The following CNTN5 variants were observed in gnomAD, a reference collection of about 807,000 sequenced individuals.
CNTN5 encodes the protein contactin 5, also known as contactin-5.
CNTN5 carries 77 observed loss-of-function variants against 129.1 expected under a neutral mutation model. The ratio of observed to expected loss-of-function variants is 0.60; its 90% CI spans 0.50 to 0.72. CNTN5 has a LOEUF of 0.72. CNTN5 is among the 30% of genes least tolerant of loss of function. CNTN5 has a pLI of 0.00. For missense variants in CNTN5, 1,478 were observed against 1,328.8 expected (o/e 1.11, Z -1.75); for synonymous variants, 509 against 465.6 (o/e 1.09, Z -1.20).
chr11:99,750,416 C>T (rs1005339628), intron 3 of CNTN5, among the ~76,000 whole-genome samples: 2 of 152,018 alleles, frequency 1.3e-5, no homozygotes, highest in African/African-American at 4.8e-5. Context: ...TCCATTATAG[C>T]AATATTGTAA....
At chr11:99,079,540 T>C (rs1865710591) in intron 1 of CNTN5, among the ~76,000 whole-genome samples, 1 of 152,194 alleles carries the variant, frequency 6.6e-6, no homozygotes, top group Non-Finnish European at 1.5e-5. Context: ...TCTTGCAAAT[T>C]CTAGAATATG....
intron 2 of CNTN5, among the ~76,000 whole-genome samples, chr11:99,541,090 T>A (rs531568759): frequency 1.3e-5 from 2 of 152,252 alleles, no homozygotes; most frequent in South Asian, 4.1e-4. Context: ...CCCAACCCTA[T>A]ATGAAGAATC....
intron 13 of CNTN5, among the ~76,000 whole-genome samples, chr11:100,154,724 A>T (rs1182696556): frequency 1.3e-5 from 2 of 152,062 alleles, no homozygotes; most frequent in African/African-American, 2.4e-5. Flanking sequence ...TCTAACTGGC[A>T]TGAGATGGTA....
intron 3 of CNTN5, among the ~76,000 whole-genome samples, chr11:99,782,708 A>C (rs1480104226): frequency 1.3e-5 from 2 of 152,048 alleles, no homozygotes; most frequent in South Asian, 4.1e-4. Context: ...GACAAACCTG[A>C]GAAAAACAAG....
chr11:99,227,513 A>C (rs932693354), intron 1 of CNTN5, among the ~76,000 whole-genome samples: 1 of 152,192 alleles, frequency 6.6e-6, no homozygotes, highest in Non-Finnish European at 1.5e-5. Flanking sequence ...ATAGAAATTC[A>C]TTTACGTCTA....
At chr11:100,251,182 T>C (rs748829815) in intron 16 of CNTN5, among the ~76,000 whole-genome samples, 2 of 152,178 alleles carry the variant, frequency 1.3e-5, no homozygotes, top group East Asian at 1.9e-4. Flanking sequence ...CATCAATCTG[T>C]TATTTTCTGT....
intron 3 of CNTN5, among the ~76,000 whole-genome samples, chr11:99,766,052 A>G (rs555673162): frequency 1.2e-4 from 19 of 152,192 alleles, no homozygotes; most frequent in Admixed American, 7.2e-4. Context: ...TTTCTCTGGT[A>G]ATCAAATGTT....
At position 100,072,310 on chromosome 11, in the gene CNTN5, A is replaced by C. The variant is rs1427201672; in HGVS notation, c.1429+476A>C. Among the ~76,000 whole-genome samples the C allele has an allele frequency of 9.2e-5, 14 of 152,188 alleles. No homozygotes were observed. In the South Asian group the frequency reaches 1.5e-3, roughly 16 times the overall value. On this transcript the variant is annotated intron_variant, in intron 12 of 24. Coordinates refer to ENST00000524871, the MANE Select transcript of CNTN5 (RefSeq NM_014361.4). ...CTCTCCTCATGGGGCATCAACTAAT[A>C]CCTTCCTTACTTAACAGGGAAAGGC...
At chr11:99,099,366 T>TAG (rs1246716956) in intron 1 of CNTN5, among the ~76,000 whole-genome samples, 2 of 152,124 alleles carry the variant, frequency 1.3e-5, no homozygotes, top group Non-Finnish European at 2.9e-5. Flanking sequence ...GGCACCATTC[T>TAG]CTTCATTCCA....
chr11:99,900,661 T>C (rs1949333113), intron 6 of CNTN5, among the ~76,000 whole-genome samples: 2 of 152,288 alleles, frequency 1.3e-5, no homozygotes, highest in Admixed American at 1.3e-4. Context: ...TGTCATTACA[T>C]GCAATGTGGG....
intron 3 of CNTN5, among the ~76,000 whole-genome samples, chr11:99,744,066 G>A (rs1174157387): frequency 6.6e-6 from 1 of 152,026 alleles, no homozygotes; most frequent in Non-Finnish European, 1.5e-5. Flanking sequence ...TTGCCATATT[G>A]GAAATGGGGG....
rs530252646 is a variant in CNTN5, at chr11:99,655,026, G to A, written c.55+98757G>A. Among the ~76,000 whole-genome samples, 73 of 151,956 alleles carry A rather than the reference G, an allele frequency of 4.8e-4. 1 individual carries two copies. The highest frequency in any genetic ancestry group is 2.1e-4 in the South Asian group (1 of 4,804). On this transcript the variant is annotated intron_variant, in intron 3 of 24. Coordinates refer to ENST00000524871, the MANE Select transcript of CNTN5 (RefSeq NM_014361.4). ...GCAGTGTGAAGATCTCTGATTGGTG[G>A]AAGAGTGCTGCGTGAAGTCATGGGC...
At chr11:99,917,312 A>G (rs965046394) in intron 7 of CNTN5, among the ~76,000 whole-genome samples, 5 of 152,164 alleles carry the variant, frequency 3.3e-5, no homozygotes, top group Non-Finnish European at 7.4e-5. Flanking sequence ...GGAAGTTTAC[A>G]TTAAACATAT....
Position 99,556,400 on chromosome 11 carries a change from G to T in CNTN5, c.55+131G>T, listed in dbSNP as rs148332690. 4.2e-5 allele frequency: 21 copies of T among 496,550 alleles called. No homozygotes were observed. The East Asian group carries it at 6.4e-4, about 15-fold the overall frequency. 30.8% of individuals were successfully genotyped at this position (496,550 alleles called of 1,614,324 possible). A position where few individuals can be genotyped will look rare whatever the true frequency, so the allele number is the denominator to read the frequency against. ...TATCAGTATTTATACTTTCCAACAA[G>T]AGAAAGGCAGCAACCCTTAAGCCGC... On this transcript the variant is annotated intron_variant, in intron 3 of 24. Coordinates refer to ENST00000524871, the MANE Select transcript of CNTN5 (RefSeq NM_014361.4).
chr11:100,347,173 C>A (rs1003655511), intron 23 of CNTN5, among the ~76,000 whole-genome samples: 1 of 152,084 alleles, frequency 6.6e-6, no homozygotes, highest in Non-Finnish European at 1.5e-5. Flanking sequence ...ACTTAGATAT[C>A]AGTTGAGATT....
intron 2 of CNTN5, among the ~76,000 whole-genome samples, chr11:99,365,513 T>C (rs2136118535): frequency 6.6e-6 from 1 of 152,282 alleles, no homozygotes; most frequent in Non-Finnish European, 1.5e-5. Flanking sequence ...GCCACTCCAG[T>C]ATTAAAGCTG....
chr11:99,169,634 T>C (rs1861053550), intron 1 of CNTN5, among the ~76,000 whole-genome samples: 1 of 152,124 alleles, frequency 6.6e-6, no homozygotes, highest in Non-Finnish European at 1.5e-5. Flanking sequence ...GGCTCCTTAA[T>C]AGAAGTGATG....
At chr11:99,995,351 A>T (rs1939376115) in intron 8 of CNTN5, among the ~76,000 whole-genome samples, 1 of 152,150 alleles carries the variant, frequency 6.6e-6, no homozygotes, top group Non-Finnish European at 1.5e-5. Context: ...TAAATACCAC[A>T]AAGAGCAAAG....
intron 9 of CNTN5, among the ~76,000 whole-genome samples, chr11:100,060,500 A>G (rs973653916): frequency 6.6e-6 from 1 of 152,004 alleles, no homozygotes; most frequent in African/African-American, 2.4e-5. Context: ...AGAAAATAAG[A>G]TTTGCAGTGT....
Sources: gnomAD v4.1 joint callset for allele counts (sites outside exome capture counted in the v4.1 genomes callset) on GRCh38, gnomAD v4.1.1 for gene constraint, MANE v1.5 for transcripts, NCBI Gene and HGNC (gene_info 2026-07-23, HGNC 2026-07-21) for gene names.